MPV17L: variants seen among roughly 807,000 people sequenced by gnomAD.
MPV17L encodes the protein mpv17-like protein.
A neutral mutation model predicts 25.8 loss-of-function variants in MPV17L; 24 were observed. The observed-to-expected ratio is 0.93, with a 90% CI of 0.67 to 1.31. The LOEUF (loss-of-function observed/expected upper bound fraction) is 1.31, where lower values mean the gene tolerates loss of function less well. Among genes scored for constraint, MPV17L ranks in the 50% most tolerant of loss-of-function variants. The pLI is 0.00. For missense variants in MPV17L, 250 were observed against 265.6 expected (o/e 0.94, Z 0.41); for synonymous variants, 102 against 115.3 (o/e 0.88, Z 0.74).
chr16:15,401,086 ATTTTTTTTT>A (rs1242552489), intron 2 of MPV17L, among the ~76,000 whole-genome samples: 3 of 19,860 alleles, frequency 1.5e-4, no homozygotes, highest in African/African-American at 5.0e-4. Context: ...ATATATATAT[ATTTTTTTTT>A]TTTTTTTTTT....
At chr16:15,399,791 T>C (rs1476700956) in intron 1 of MPV17L, among the ~76,000 whole-genome samples, 1 of 152,074 alleles carries the variant, frequency 6.6e-6, no homozygotes, top group African/African-American at 2.4e-5. Flanking sequence ...AGAGTCTTGC[T>C]CTGTCACCCA....
intron 2 of MPV17L, among the ~76,000 whole-genome samples, chr16:15,403,955 C>G (rs2050660255): frequency 6.6e-6 from 1 of 151,396 alleles, no homozygotes; most frequent in South Asian, 2.1e-4. Context: ...ATCATGAGGT[C>G]AAGGGATCGA....
chr16:15,408,391 C>G lies in MPV17L; in HGVS notation c.*279C>G, dbSNP rs1170514283. 3.7e-6 allele frequency: 1 copy of G among 271,496 alleles called. No homozygotes were observed. The highest frequency in any genetic ancestry group is 2.2e-5 in the African/African-American group (1 of 45,566). The allele number at this position is 271,496 out of a possible 1,614,324, so 16.8% of individuals were successfully genotyped here. The stretch of plus-strand genomic sequence containing the variant: ...ATTATTAATATTTCTAATATTTTAA[C>G]ACAAGTTTCAGGAAACTTGGTTTTG... On this transcript the variant is annotated 3_prime_UTR_variant, in exon 4 of 4. Transcript: ENST00000396385.
chr16:15,395,852 A>T lies in MPV17L; in HGVS notation c.-46A>T, dbSNP rs555632911. 2.9e-6 allele frequency: 4 copies of T among 1,368,398 alleles called. No homozygotes were observed. The South Asian group carries it at 6.9e-5, about 23-fold the overall frequency. The allele number at this position is 1,368,398 out of a possible 1,614,324, so 84.8% of individuals were successfully genotyped here. On this transcript the variant is annotated 5_prime_UTR_variant, in exon 1 of 4. Coordinates refer to ENST00000396385, the MANE Select transcript of MPV17L (RefSeq NM_001128423.2). ...GGAGGCCCGGACCCGGTGCAGGAAGACGCCGACCACGCGGGCTCCTGATCG... is the reference window on the plus strand; with the variant it reads ...GGAGGCCCGGACCCGGTGCAGGAAGTCGCCGACCACGCGGGCTCCTGATCG...
At position 15,410,268 on chromosome 16, in the gene MPV17L, A is replaced by C. The variant is rs1235242519; in HGVS notation, c.*2156A>C. 6.6e-6 allele frequency: 1 copy of C among 152,216 alleles called. No homozygotes were observed. Among genetic ancestry groups the C allele is most frequent in the Admixed American group, 6.6e-5 (1 of 15,252 alleles). The allele number at this position is 152,216 out of a possible 1,614,324, so 9.4% of individuals were successfully genotyped here. A position where few individuals can be genotyped will look rare whatever the true frequency, so the allele number is the denominator to read the frequency against. ...GGAGTTTGAGACCAGCCTGGGCAAT[A>C]CAGCAAGATCCCATCTCTATTTTAA... On this transcript the variant is annotated 3_prime_UTR_variant, in exon 4 of 4. Transcript: ENST00000396385.
chr16:15,400,755 CTT>C (rs748999961), intron 1 of MPV17L, 30 bp from the exon 2 acceptor site: 2 of 1,502,878 alleles, frequency 1.3e-6, no homozygotes, highest in Non-Finnish European at 1.8e-6. Flanking sequence ...TCTACTGAAT[CTT>C]TTAAAATTTT....
chr16:15,401,747 A>T (rs2050641767), intron 2 of MPV17L, among the ~76,000 whole-genome samples: 1 of 152,102 alleles, frequency 6.6e-6, no homozygotes, highest in Non-Finnish European at 1.5e-5. Context: ...TTGAACCTGG[A>T]GACAGGTTGC....
Position 15,400,854 on chromosome 16 carries a change from T to A in MPV17L, c.378T>A (p.Tyr126Ter), listed in dbSNP as rs2150905244. 6.3e-7 allele frequency: 1 copy of A among 1,598,614 alleles called. No homozygotes were observed. Among genetic ancestry groups the A allele is most frequent in the South Asian group, 1.1e-5 (1 of 88,570 alleles). ...TGAAACAGAAATTCTGGAATACCTATCTGGTAAGATAGGCGTTTGAAAATG... is the reference window on the plus strand; with the variant it reads ...TGAAACAGAAATTCTGGAATACCTAACTGGTAAGATAGGCGTTTGAAAATG... ...LDLKQKFWNT[Y>*]LSGLMYWPFV... Residue 126 changes from tyrosine (Y) to a stop codon, truncating the protein, a stop_gained, in exon 2 of 4, where the codon TAT (tyrosine) becomes TAA (stop). Coordinates refer to ENST00000396385, the MANE Select transcript of MPV17L (RefSeq NM_001128423.2). LOFTEE classifies it high-confidence loss of function.
Position 15,412,174 on chromosome 16 carries a change from A to G in MPV17L, c.*4062A>G, listed in dbSNP as rs927574042. On this transcript the variant is annotated 3_prime_UTR_variant, in exon 4 of 4. Coordinates refer to ENST00000396385, the MANE Select transcript of MPV17L (RefSeq NM_001128423.2). ...CTGGGCCCGGTGGCTCATGCCTGTA[A>G]TCCCAGCACTTTGGGAGGCCAAGGC... 2.0e-5 allele frequency: 3 copies of G among 152,200 alleles called. No individual in the cohort carries two copies. Among genetic ancestry groups the G allele is most frequent in the African/African-American group, 7.2e-5 (3 of 41,448 alleles). 9.4% of individuals were successfully genotyped at this position (152,200 alleles called of 1,614,324 possible). A position where few individuals can be genotyped will look rare whatever the true frequency, so the allele number is the denominator to read the frequency against.
chr16:15,396,687 C>A (rs2150903494), intron 1 of MPV17L, among the ~76,000 whole-genome samples: 1 of 152,234 alleles, frequency 6.6e-6, no homozygotes, highest in East Asian at 1.9e-4. Context: ...CGCCTGGGGC[C>A]CCGGGGCCAA....
intron 1 of MPV17L, 39 bp from the exon 2 acceptor site, chr16:15,400,748 A>T: frequency 7.0e-7 from 1 of 1,432,838 alleles, no homozygotes; most frequent in South Asian, 1.3e-5. Flanking sequence ...ACGGTACTCT[A>T]CTGAATCTTT....
chr16:15,407,650 G>A (rs577798247), intron 2 of MPV17L, among the ~76,000 whole-genome samples, 174 bp from the exon 3 acceptor site: 183 of 152,162 alleles, frequency 1.2e-3, no homozygotes, highest in African/African-American at 4.1e-3. Flanking sequence ...GCAGAGACAC[G>A]ACAATTGCTT....
Position 15,408,037 on chromosome 16 carries a change from C to T in MPV17L, c.516C>T (p.Asp172=), listed in dbSNP as rs746944644. Reference sequence around the variant, plus strand: ...TCTGTTTTTCCCAGCAGAGTGGTGACGGCACATTCAAGTCAGCTTTCACCA... The same window carrying T: ...TCTGTTTTTCCCAGCAGAGTGGTGATGGCACATTCAAGTCAGCTTTCACCA... ...TFICFSQQSG[D]GTFKSAFTIL... The change falls in exon 4 of 4, where the codon GAC becomes GAT. Residue 172 remains aspartate, a synonymous_variant. Coordinates refer to ENST00000396385, the MANE Select transcript of MPV17L (RefSeq NM_001128423.2). 47 of 1,613,734 alleles carry T rather than the reference C, an allele frequency of 2.9e-5. No individual in the cohort carries two copies. The highest frequency in any genetic ancestry group is 9.9e-5 in the South Asian group (9 of 91,068).
At chr16:15,402,416 A>T (rs1212568015) in intron 2 of MPV17L, among the ~76,000 whole-genome samples, 3 of 152,114 alleles carry the variant, frequency 2.0e-5, no homozygotes, top group Non-Finnish European at 4.4e-5. Flanking sequence ...GTTGAGCCAC[A>T]CCCAGCTATT....
At chr16:15,400,909 T>C in intron 2 of MPV17L, 52 bp downstream of exon 2, 31 of 1,053,240 alleles carry the variant, frequency 2.9e-5, no homozygotes, top group Non-Finnish European at 3.7e-5. Context: ...TATATATGTA[T>C]ATATATGTGT....
Position 15,400,802 on chromosome 16 carries a change from A to C in MPV17L, c.326A>C (p.Gln109Pro), listed in dbSNP as rs1256988564. Residue 109 changes from glutamine (Q) to proline (P), a missense_variant, in exon 2 of 4, where the codon CAA becomes CCA. Gln to Pro is a moderately conservative substitution (Grantham distance 76). Transcript: ENST00000396385. Reference protein sequence around the residue: ...SAFYVGMSILQGKDDIFLDLK... With the variant: ...SAFYVGMSILPGKDDIFLDLK... ...TTGCAAATAGGTATGAGCATTCTCC[A>C]AGGAAAGGATGACATATTTTTGGAC... is the stretch of plus-strand genomic sequence containing the variant. 2.5e-6 allele frequency: 4 copies of C among 1,604,966 alleles called. No individual in the cohort carries two copies. The highest frequency in any genetic ancestry group is 3.4e-6 in the Non-Finnish European group (4 of 1,175,956).
intron 1 of MPV17L, among the ~76,000 whole-genome samples, chr16:15,396,546 G>A: frequency 6.6e-6 from 1 of 152,150 alleles, no homozygotes; most frequent in Non-Finnish European, 1.5e-5. Context: ...GCAGGGCTGC[G>A]GAGGTCTTTG....
chr16:15,401,048 A>ATGTG (rs1255394647), intron 2 of MPV17L, among the ~76,000 whole-genome samples, 191 bp downstream of exon 2: 6 of 72,416 alleles, frequency 8.3e-5, no homozygotes, highest in African/African-American at 3.2e-4. Context: ...ATTTTTTTGT[A>ATGTG]TGTGTGTGTG....
chr16:15,405,926 C>CG (rs1371086870), intron 2 of MPV17L, among the ~76,000 whole-genome samples: 2 of 151,734 alleles, frequency 1.3e-5, no homozygotes, highest in Admixed American at 6.6e-5. Flanking sequence ...TGGTGGCTCA[C>CG]GCCTGTAATC....
Sources: allele counts gnomAD v4.1 joint callset (sites outside exome capture counted in the v4.1 genomes callset), GRCh38; gene constraint gnomAD v4.1.1; transcripts MANE v1.5; gene names NCBI Gene and HGNC (gene_info 2026-07-23, HGNC 2026-07-21).